Variants in VLDLR observed in about 807,000 individuals in gnomAD.
The protein encoded by VLDLR is very low density lipoprotein receptor.
Under a neutral mutation model 112.7 loss-of-function variants are expected in VLDLR, and 81 were observed. The observed-to-expected ratio is 0.72, with a 90% confidence interval of 0.60 to 0.86. The LOEUF is 0.86. Ranked by LOEUF, VLDLR falls within the 40% of genes least tolerant of loss-of-function variation. VLDLR has a pLI of 0.00. For missense variants in VLDLR, 1,237 were observed against 1,099.4 expected (o/e 1.13, Z -1.77); for synonymous variants, 436 against 384.8 (o/e 1.13, Z -1.56).
At chr9:2,635,830 G>T (rs1817579820) in intron 2 of VLDLR, among the ~76,000 whole-genome samples, 1 of 152,150 alleles carries the variant, frequency 6.6e-6, no homozygotes, top group Non-Finnish European at 1.5e-5. Flanking sequence ...TAGGAATCTG[G>T]GAGAAGGGAG....
rs1001483533 is a variant in VLDLR at position 2,659,208 on chromosome 9, A to G, written c.*5340A>G. On this transcript the variant is annotated 3_prime_UTR_variant, in exon 19 of 19. Coordinates refer to ENST00000382100, the MANE Select transcript of VLDLR (RefSeq NM_003383.5). The stretch of plus-strand genomic sequence containing the variant: ...ATAGGTAAAAACTGAGGCTACAAAC[A>G]ATCTATGGTTCCAAATCCTATGTGC... The G allele has an allele frequency of 1.3e-5, 2 of 152,224 alleles. No homozygotes were observed. The highest frequency in any genetic ancestry group is 2.9e-5 in the Non-Finnish European group (2 of 68,034). 9.4% of individuals were successfully genotyped at this position (152,224 alleles called of 1,614,324 possible).
At chr9:2,638,848 G>A (rs1308043862) in intron 2 of VLDLR, among the ~76,000 whole-genome samples, 4 of 152,226 alleles carry the variant, frequency 2.6e-5, no homozygotes, top group Admixed American at 1.3e-4. Flanking sequence ...AGCACTGACA[G>A]CTTCAATGAC....
At chr9:2,627,287 A>T (rs983964933) in intron 1 of VLDLR, among the ~76,000 whole-genome samples, 1 of 152,236 alleles carries the variant, frequency 6.6e-6, no homozygotes, top group African/African-American at 2.4e-5. Context: ...TTAGACTTTA[A>T]TTTCAAAAAG....
chr9:2,651,840 T>A, intron 16 of VLDLR, 34 bp from the exon 17 acceptor site: 1 of 1,612,410 alleles, frequency 6.2e-7, no homozygotes, highest in Non-Finnish European at 8.5e-7. Flanking sequence ...TGAATACAGA[T>A]CCTTCTAAAC....
rs571825759 is a variant in VLDLR, at chr9:2,630,670, A to T, written c.83-4783A>T. ...AGTTTTTTACTGAAGCTTATGTATTAGTCCTCCATGTCAACCGCTACAGGG... is the reference window on the plus strand; with the variant it reads ...AGTTTTTTACTGAAGCTTATGTATTTGTCCTCCATGTCAACCGCTACAGGG... On this transcript the variant is annotated intron_variant, in intron 1 of 18. Transcript: ENST00000382100. Among the ~76,000 whole-genome samples the T allele has an allele frequency of 2.0e-5, 3 of 152,340 alleles. No individual in the cohort carries two copies. The South Asian group carries it at 6.2e-4, about 32-fold the overall frequency.
chr9:2,636,851 C>A (rs1044785310), intron 2 of VLDLR, among the ~76,000 whole-genome samples: 1 of 152,156 alleles, frequency 6.6e-6, no homozygotes, highest in African/African-American at 2.4e-5. Flanking sequence ...TTTTTTTCCT[C>A]TCTTCTAAAC....
chr9:2,641,746 A>C (rs1209239458), intron 4 of VLDLR, among the ~76,000 whole-genome samples: 3 of 152,202 alleles, frequency 2.0e-5, no homozygotes. Context: ...CATTCAAGGC[A>C]CTTATATATA....
intron 2 of VLDLR, among the ~76,000 whole-genome samples, chr9:2,639,107 C>T (rs571066402): frequency 6.6e-6 from 1 of 152,320 alleles, no homozygotes; most frequent in South Asian, 2.1e-4. Context: ...TCAGCTCAGA[C>T]TGCTGTCACA....
In VLDLR at chr9:2,641,439, G is replaced by C; in HGVS notation, c.388G>C (p.Val130Leu). Residue 130 changes from valine to leucine, a missense_variant, in exon 4 of 19, where the codon GTG becomes CTG. By Grantham distance (32) the Val-to-Leu change is conservative (BLOSUM62 1). Coordinates refer to ENST00000382100, the MANE Select transcript of VLDLR (RefSeq NM_003383.5). ...CGAHSTQCIP[V>L]SWRCDGENDC... is the part of the protein sequence containing the mutation. ...CGCCCATTCTACTCAGTGTATCCCA[G>C]TGTCCTGGAGATGTGATGGTGAAAA... 1 of 1,614,236 alleles carries C rather than the reference G, an allele frequency of 6.2e-7. No individual in the cohort carries two copies. Among genetic ancestry groups the C allele is most frequent in the Non-Finnish European group, 8.5e-7 (1 of 1,180,048 alleles).
chr9:2,644,875 G>A (rs983807101), intron 8 of VLDLR, 22 bp downstream of exon 8: 1 of 1,614,108 alleles, frequency 6.2e-7, no homozygotes, highest in African/African-American at 1.3e-5. Context: ...AAGAAAACCT[G>A]GACCCTGCAG....
chr9:2,643,148 C>G lies in VLDLR; in HGVS notation c.449-12C>G. 1 of 1,607,748 alleles carries G rather than the reference C, an allele frequency of 6.2e-7. No individual in the cohort carries two copies. Among genetic ancestry groups the G allele is most frequent in the African/African-American group, 1.3e-5 (1 of 75,028 alleles). On this transcript the variant is annotated splice_polypyrimidine_tract_variant and intron_variant, in intron 4 of 18. Coordinates refer to ENST00000382100, the MANE Select transcript of VLDLR (RefSeq NM_003383.5). ...TGATGCATTTTCAGTGGGGCATCCTCTCTCTTAATAGGCAATATAACATGT... is the reference window on the plus strand; with the variant it reads ...TGATGCATTTTCAGTGGGGCATCCTGTCTCTTAATAGGCAATATAACATGT...
intron 9 of VLDLR, 116 bp downstream of exon 9, chr9:2,645,198 C>A: frequency 6.8e-7 from 1 of 1,469,938 alleles, no homozygotes; most frequent in Non-Finnish European, 9.5e-7. Flanking sequence ...GAGAACAATG[C>A]TGCTAACCTC....
At position 2,651,306 on chromosome 9, in the gene VLDLR, G is replaced by C. The variant is rs1818318398; in HGVS notation, c.2252-109G>C. On this transcript the variant is annotated intron_variant, in intron 15 of 18. Coordinates refer to ENST00000382100, the MANE Select transcript of VLDLR (RefSeq NM_003383.5). ...GTACAACTTAGTTCAGCAGTGGTTT[G>C]TCTATTTTACCTGGTTTTAAAATAA... 9 of 879,650 alleles carry C rather than the reference G, an allele frequency of 1.0e-5. No individual in the cohort carries two copies. The East Asian group carries it at 2.4e-4, about 23-fold the overall frequency. The allele number at this position is 879,650 out of a possible 1,614,324, so 54.5% of individuals were successfully genotyped here. A position where few individuals can be genotyped will look rare whatever the true frequency, so the allele number is the denominator to read the frequency against.
chr9:2,639,830 A>G, intron 2 of VLDLR, 29 bp from the exon 3 acceptor site: 3 of 1,614,130 alleles, frequency 1.9e-6, no homozygotes, highest in Non-Finnish European at 2.5e-6. Context: ...AATGACTTCA[A>G]CTTTAACCCT....
intron 4 of VLDLR, among the ~76,000 whole-genome samples, 194 bp downstream of exon 4, chr9:2,641,693 C>T (rs1817832651): frequency 1.3e-5 from 2 of 152,176 alleles, no homozygotes; most frequent in Non-Finnish European, 2.9e-5. Flanking sequence ...AATTGACCAT[C>T]GCTTGGTGTT....
rs1443492169 is a variant in VLDLR, at chr9:2,654,334, C to A, written c.*466C>A. 2 of 160,130 alleles carry A rather than the reference C, an allele frequency of 1.2e-5. No homozygotes were observed. Among genetic ancestry groups the A allele is most frequent in the African/African-American group, 4.8e-5 (2 of 41,468 alleles). 9.9% of individuals were successfully genotyped at this position (160,130 alleles called of 1,614,324 possible). On this transcript the variant is annotated 3_prime_UTR_variant, in exon 19 of 19. Coordinates refer to ENST00000382100, the MANE Select transcript of VLDLR (RefSeq NM_003383.5). ...AATGGCAATAGGACAAAACGGGTTA[C>A]TAAGATGAAATTGCCAAAAAAATTT...
Position 2,643,648 on chromosome 9 carries a change from G to A in VLDLR, c.841G>A (p.Asp281Asn). 6.2e-7 allele frequency: 1 copy of A among 1,614,162 alleles called. No individual in the cohort carries two copies. Among genetic ancestry groups the A allele is most frequent in the Non-Finnish European group, 8.5e-7 (1 of 1,180,036 alleles). ...TGTAGCCTCTCGAACTTGCCGACCT[G>A]ACCAATTTGAATGTGAGGATGGCAG... is the stretch of plus-strand genomic sequence containing the variant. ...VNCPSRTCRP[D>N]QFECEDGSCI... Residue 281 changes from aspartate to asparagine, a missense_variant, in exon 6 of 19, where the codon GAC becomes AAC. By Grantham distance (23) the Asp-to-Asn change is conservative. Coordinates refer to ENST00000382100, the MANE Select transcript of VLDLR (RefSeq NM_003383.5).
At chr9:2,653,344 C>T (rs1261224867) in intron 18 of VLDLR, among the ~76,000 whole-genome samples, 1 of 152,074 alleles carries the variant, frequency 6.6e-6, no homozygotes, top group Non-Finnish European at 1.5e-5. Flanking sequence ...TTCACTTAGC[C>T]AAAATTATTA....
In VLDLR at chr9:2,657,477, C is replaced by CT; in HGVS notation, c.*3610dup. 6.6e-6 allele frequency: 1 copy of CT among 152,300 alleles called. No individual in the cohort carries two copies. The highest frequency in any genetic ancestry group is 2.1e-4 in the South Asian group (1 of 4,818). The allele number at this position is 152,300 out of a possible 1,614,324, so 9.4% of individuals were successfully genotyped here. On this transcript the variant is annotated 3_prime_UTR_variant, in exon 19 of 19. Coordinates refer to ENST00000382100, the MANE Select transcript of VLDLR (RefSeq NM_003383.5). The stretch of plus-strand genomic sequence containing the variant: ...CAAAAGGGTCTGATACATCAAACTC[C>CT]TAACAAGTAGGAGCAGCAACTAGCT...
Sources: gnomAD v4.1 joint callset for allele counts (sites outside exome capture counted in the v4.1 genomes callset) on GRCh38, gnomAD v4.1.1 for gene constraint, MANE v1.5 for transcripts, NCBI Gene and HGNC (gene_info 2026-07-23, HGNC 2026-07-21) for gene names.